Variants in FRMPD4 observed in about 807,000 individuals in gnomAD.
FRMPD4 encodes the protein FERM and PDZ domain-containing protein 4.
In FRMPD4, 22 loss-of-function variants were observed where a neutral mutation model predicts 94.1. The observed-to-expected ratio is 0.23, with a 90% CI of 0.17 to 0.33. The LOEUF (loss-of-function observed/expected upper bound fraction) is 0.33. FRMPD4 is among the 10% of genes least tolerant of loss of function. The probability of loss-of-function intolerance (pLI) is 1.00; values close to 1 mark genes in which losing one functional copy is unlikely to be tolerated. For missense variants in FRMPD4, 1,111 were observed against 1,339.9 expected, an observed-to-expected ratio of 0.83 and a Z score of 2.67; for synonymous variants, 631 against 548.6, an observed-to-expected ratio of 1.15 and a Z score of -2.10.
intron 5 of FRMPD4, among the ~76,000 whole-genome samples, chrX:12,678,992 A>G (rs1173986033): frequency 1.8e-5 from 2 of 112,209 alleles, no homozygotes; most frequent in Admixed American, 9.4e-5. Context: ...CCTGCCTCCA[A>G]CTTCCTAACT....
At chrX:12,106,687 C>T (rs949154456) in intron 3 of FRMPD4, among the ~76,000 whole-genome samples, 1 of 111,514 alleles carries the variant, frequency 9.0e-6, no homozygotes, top group African/African-American at 3.3e-5. Flanking sequence ...ACTGGAAAAT[C>T]GGGTCACTCC....
At chrX:11,981,594 A>G (rs1042337496) in intron 3 of FRMPD4, among the ~76,000 whole-genome samples, 15 of 111,932 alleles carry the variant, frequency 1.3e-4, no homozygotes, top group Admixed American at 5.7e-4. Context: ...GCTTATATGT[A>G]CAAGACTTGA....
chrX:12,153,007 C>T (rs1406033608), intron 1 of FRMPD4, among the ~76,000 whole-genome samples: 1 of 104,380 alleles, frequency 9.6e-6, no homozygotes, highest in Non-Finnish European at 2.0e-5. Context: ...AATCTCGGCT[C>T]ACTGCAAGCT....
At chrX:11,887,087 A>G (rs2053849766) in intron 3 of FRMPD4, among the ~76,000 whole-genome samples, 1 of 111,692 alleles carries the variant, frequency 9.0e-6, no homozygotes, top group African/African-American at 3.3e-5. Flanking sequence ...CTTTTACTCC[A>G]ATTTTAGATT....
chrX:12,354,049 T>A (rs1226169984), intron 1 of FRMPD4, among the ~76,000 whole-genome samples: 3 of 112,117 alleles, frequency 2.7e-5, no homozygotes, highest in Non-Finnish European at 5.6e-5. Flanking sequence ...GCACTTTGCT[T>A]TTGCTAATAA....
chrX:12,406,469 A>T (rs1048353506), intron 1 of FRMPD4, among the ~76,000 whole-genome samples: 8 of 112,148 alleles, frequency 7.1e-5, no homozygotes, highest in Non-Finnish European at 1.5e-4. Context: ...ATTATTATTT[A>T]AAAAATATCC....
intron 3 of FRMPD4, among the ~76,000 whole-genome samples, chrX:12,129,398 A>G (rs183202830): frequency 9.0e-6 from 1 of 111,523 alleles, no homozygotes; most frequent in East Asian, 2.8e-4. Flanking sequence ...AGAATTCACT[A>G]TCACGAGAAC....
At chrX:12,534,111 C>T (rs1012150092) in intron 2 of FRMPD4, among the ~76,000 whole-genome samples, 2 of 112,956 alleles carry the variant, frequency 1.8e-5, no homozygotes, top group South Asian at 3.6e-4. Flanking sequence ...ATCCCAACTG[C>T]GCCAGCCTTG....
chrX:12,099,264 T>C (rs1848958102), intron 3 of FRMPD4, among the ~76,000 whole-genome samples: 1 of 111,561 alleles, frequency 9.0e-6, no homozygotes, highest in African/African-American at 3.2e-5. Flanking sequence ...TTACTCTTTC[T>C]CCATTTTCTC....
intron 3 of FRMPD4, among the ~76,000 whole-genome samples, chrX:12,013,033 G>A (rs1472212987): frequency 9.0e-6 from 1 of 111,647 alleles, no homozygotes; most frequent in Non-Finnish European, 1.9e-5. Flanking sequence ...TTCCCATAAT[G>A]TTTCAATCTC....
chrX:11,852,517 G>A (rs1330787425), intron 1 of FRMPD4, among the ~76,000 whole-genome samples: 1 of 108,476 alleles, frequency 9.2e-6, no homozygotes, highest in Non-Finnish European at 1.9e-5. Flanking sequence ...CAAATTTATT[G>A]AGACTTGATG....
At chrX:11,877,638 C>T (rs1463144583) in intron 2 of FRMPD4, among the ~76,000 whole-genome samples, 2 of 111,762 alleles carry the variant, frequency 1.8e-5, no homozygotes, top group Non-Finnish European at 3.8e-5. Context: ...CATCTTTACT[C>T]GTGGTCAGGA....
At position 12,168,622 on chromosome X, in the gene FRMPD4, CT is replaced by C. The variant is rs35114337; in HGVS notation, c.41+29631del. ...TTAGAGGGTCTTAAAGACACTGACCCTTTTTTTTTTTTTTTTTTTTTGAGAC... is the reference window on the plus strand; with the variant it reads ...TTAGAGGGTCTTAAAGACACTGACCCTTTTTTTTTTTTTTTTTTTTGAGAC... On this transcript the variant is annotated intron_variant, in intron 1 of 16. Coordinates refer to ENST00000675598, the MANE Select transcript of FRMPD4 (RefSeq NM_001368397.1). Among the ~76,000 whole-genome samples, 254 of 70,144 alleles carry C rather than the reference CT, an allele frequency of 3.6e-3. 2 individuals carry two copies. In the South Asian group the frequency reaches 0.059, roughly 16 times the overall value. 60.9% of individuals were successfully genotyped at this position (70,144 alleles called of 115,157 possible). A position where few individuals can be genotyped will look rare whatever the true frequency, so the allele number is the denominator to read the frequency against.
At chrX:12,427,200 A>G (rs1334871539) in intron 1 of FRMPD4, among the ~76,000 whole-genome samples, 3 of 111,967 alleles carry the variant, frequency 2.7e-5, no homozygotes, top group African/African-American at 9.7e-5. Context: ...TCCCTCCTCC[A>G]GTACTTTATC....
At chrX:11,892,168 G>A (rs759859679) in intron 3 of FRMPD4, among the ~76,000 whole-genome samples, 19 of 111,991 alleles carry the variant, frequency 1.7e-4, no homozygotes, top group African/African-American at 5.5e-4. Context: ...CAGAAATGAC[G>A]CTGCATTTTT....
intron 1 of FRMPD4, among the ~76,000 whole-genome samples, chrX:12,317,549 A>T (rs1159804604): frequency 9.4e-6 from 1 of 106,892 alleles, no homozygotes; most frequent in Non-Finnish European, 1.9e-5. Flanking sequence ...AGGGATTAAC[A>T]ACTAGAATAT....
chrX:12,362,579 T>C (rs755287194), intron 1 of FRMPD4, among the ~76,000 whole-genome samples: 318 of 110,321 alleles, frequency 2.9e-3, no homozygotes, highest in African/African-American at 0.01. Context: ...TGTATATGTG[T>C]CACATTTTCT....
At chrX:11,971,813 A>C (rs1260318245) in intron 3 of FRMPD4, among the ~76,000 whole-genome samples, 2 of 112,559 alleles carry the variant, frequency 1.8e-5, no homozygotes, top group African/African-American at 6.4e-5. Context: ...AAACGCCAAT[A>C]ATTATAACTA....
At chrX:12,205,205 T>C (rs1026448914) in intron 1 of FRMPD4, among the ~76,000 whole-genome samples, 2 of 109,962 alleles carry the variant, frequency 1.8e-5, no homozygotes, top group Non-Finnish European at 3.8e-5. Flanking sequence ...GACTAAATCA[T>C]CCAAGATAGA....
Sources: gnomAD v4.1 joint callset for allele counts (sites outside exome capture counted in the v4.1 genomes callset) on GRCh38, gnomAD v4.1.1 for gene constraint, MANE v1.5 for transcripts, NCBI Gene and HGNC (gene_info 2026-07-23, HGNC 2026-07-21) for gene names.